KLF8: variants seen among roughly 807,000 people sequenced by gnomAD.
KLF8 encodes Krueppel-like factor 8.
Under a neutral mutation model 18.2 loss-of-function variants are expected in KLF8, and 10 were observed. The ratio of observed to expected loss-of-function variants is 0.55; its 90% CI spans 0.34 to 0.93. The LOEUF is 0.93. Among genes scored for constraint, KLF8 ranks in the 40% least tolerant of loss-of-function variants. KLF8 has a pLI of 0.02. For synonymous variants in KLF8, 109 were observed against 97.3 expected, an observed-to-expected ratio of 1.12 and a Z score of -0.71; for missense variants, 264 against 277.9, an observed-to-expected ratio of 0.95 and a Z score of 0.36.
the KLF8 span, among the ~76,000 whole-genome samples, chrX:56,225,066 C>T: frequency 4.5e-5 from 5 of 111,423 alleles, no homozygotes; most frequent in Non-Finnish European, 7.5e-5. Context: ...AAAGGCCCTA[C>T]CTCTTAATAC....
chrX:56,176,240 C>T, the KLF8 span, among the ~76,000 whole-genome samples: 1 of 111,800 alleles, frequency 8.9e-6, no homozygotes, highest in Non-Finnish European at 1.9e-5. Flanking sequence ...GTGGCTGGTA[C>T]CGGTTGTTCC....
At chrX:55,950,397 G>A in the KLF8 span, among the ~76,000 whole-genome samples, 4 of 111,436 alleles carry the variant, frequency 3.6e-5, no homozygotes, top group African/African-American at 9.8e-5. Flanking sequence ...TAAAAGCAAA[G>A]CCTCTAGAGT....
chrX:56,021,999 C>T, the KLF8 span, among the ~76,000 whole-genome samples: 2 of 107,470 alleles, frequency 1.9e-5, no homozygotes, highest in Non-Finnish European at 3.8e-5. Context: ...AAATTCAAAG[C>T]AAGTGTCAAC....
chrX:56,123,798 CTT>C, the KLF8 span, among the ~76,000 whole-genome samples: 1 of 111,741 alleles, frequency 8.9e-6, no homozygotes, highest in African/African-American at 3.3e-5. Context: ...AGAAAATAGT[CTT>C]TGGTCAAATG....
At chrX:56,117,492 A>G in the KLF8 span, among the ~76,000 whole-genome samples, 2 of 110,633 alleles carry the variant, frequency 1.8e-5, no homozygotes, top group Non-Finnish European at 3.8e-5. Flanking sequence ...GTGCTCTATC[A>G]TCTCTGGGGG....
the KLF8 span, among the ~76,000 whole-genome samples, chrX:55,916,270 C>T: frequency 8.9e-6 from 1 of 111,753 alleles, no homozygotes; most frequent in Non-Finnish European, 1.9e-5. Flanking sequence ...TTATTTTGGC[C>T]CTACCCACTT....
chrX:56,215,732 A>G, the KLF8 span, among the ~76,000 whole-genome samples: 2 of 101,165 alleles, frequency 2.0e-5, no homozygotes, highest in Non-Finnish European at 3.9e-5. Context: ...CTGAGGCAGG[A>G]TAATTGCTTG....
the KLF8 span, among the ~76,000 whole-genome samples, chrX:56,081,784 C>T: frequency 1.8e-5 from 2 of 111,882 alleles, no homozygotes; most frequent in South Asian, 7.4e-4. Flanking sequence ...TGTGGAAACA[C>T]CCTTGTGTTC....
At chrX:56,270,980 A>AT (rs1330486931) in intron 5 of KLF8, among the ~76,000 whole-genome samples, 1 of 112,171 alleles carries the variant, frequency 8.9e-6, no homozygotes, top group African/African-American at 3.2e-5. Context: ...AATCAAAAAT[A>AT]TTTTTTAAAC....
At chrX:56,234,152 T>C (rs1048266912) in intron 1 of KLF8, among the ~76,000 whole-genome samples, 16 of 111,989 alleles carry the variant, frequency 1.4e-4, no homozygotes, top group African/African-American at 5.2e-4. Context: ...TTATTTCTTT[T>C]GGTATTATAT....
chrX:56,188,960 G>A, the KLF8 span, among the ~76,000 whole-genome samples: 1 of 111,627 alleles, frequency 9.0e-6, no homozygotes, highest in African/African-American at 3.3e-5. Context: ...ATAGGCATGG[G>A]CAAGGACTTC....
the KLF8 span, among the ~76,000 whole-genome samples, chrX:55,984,344 T>C: frequency 9.0e-6 from 1 of 111,088 alleles, no homozygotes; most frequent in Non-Finnish European, 1.9e-5. Flanking sequence ...CACTTATAAG[T>C]GAGAACATAT....
chrX:56,080,383 G>T, the KLF8 span, among the ~76,000 whole-genome samples: 1 of 110,835 alleles, frequency 9.0e-6, no homozygotes, highest in East Asian at 2.8e-4. Context: ...GTCTGTAAAG[G>T]ATTTTATTTC....
the KLF8 span, among the ~76,000 whole-genome samples, chrX:56,117,120 TA>T: frequency 1.8e-5 from 2 of 109,418 alleles, no homozygotes; most frequent in Non-Finnish European, 3.8e-5. Flanking sequence ...CTATTAATTT[TA>T]AAAAAGAAGG....
At chrX:56,210,281 C>A in the KLF8 span, among the ~76,000 whole-genome samples, 474 of 111,348 alleles carry the variant, frequency 4.3e-3, 5 homozygotes, top group African/African-American at 0.015. Context: ...ATTTTTTCTT[C>A]GTGTCTGAAA....
intron 1 of KLF8, chrX:56,243,511 G>T: frequency 1.0e-5 from 1 of 96,342 alleles, no homozygotes; most frequent in Non-Finnish European, 2.0e-5. Context: ...CAGCTTTTGT[G>T]TATGTTGAAA....
the KLF8 span, among the ~76,000 whole-genome samples, chrX:55,948,172 G>T: frequency 9.0e-6 from 1 of 111,694 alleles, no homozygotes; most frequent in African/African-American, 3.3e-5. Flanking sequence ...TAACATTCTC[G>T]ACTCTTTACA....
the KLF8 span, among the ~76,000 whole-genome samples, chrX:55,939,500 A>C: frequency 8.9e-6 from 1 of 111,996 alleles, no homozygotes; most frequent in Non-Finnish European, 1.9e-5. Flanking sequence ...TTCAAAATCT[A>C]GCAGAAGGCA....
At chrX:56,075,365 T>C in the KLF8 span, among the ~76,000 whole-genome samples, 1 of 110,806 alleles carries the variant, frequency 9.0e-6, no homozygotes, top group African/African-American at 3.3e-5. Context: ...GCTTTTTAAA[T>C]TTTTTTTATT....
Sources: gnomAD v4.1 joint callset for allele counts (sites outside exome capture counted in the v4.1 genomes callset) on GRCh38, gnomAD v4.1.1 for gene constraint, MANE v1.5 for transcripts, NCBI Gene and HGNC (gene_info 2026-07-23, HGNC 2026-07-21) for gene names.